Variants in TMPRSS7 observed in about 807,000 individuals in gnomAD.
The protein encoded by TMPRSS7 is transmembrane protease serine 7.
Under a neutral mutation model 95.6 loss-of-function variants are expected in TMPRSS7, and 81 were observed. That is an observed-to-expected ratio of 0.85 (90% CI 0.71 to 1.02). The LOEUF (loss-of-function observed/expected upper bound fraction) is 1.02, where lower values mean the gene tolerates loss of function less well. Ranked by LOEUF, TMPRSS7 falls within the 50% of genes least tolerant of loss-of-function variation. The pLI, the probability that TMPRSS7 is intolerant of heterozygous loss-of-function variation, is 0.00. For synonymous variants in TMPRSS7, 364 were observed against 337.8 expected, an observed-to-expected ratio of 1.08 and a Z score of -0.85; for missense variants, 945 against 955.2, an observed-to-expected ratio of 0.99 and a Z score of 0.14.
At chr3:112,037,017 A>T (rs809582) in intron 1 of TMPRSS7, among the ~76,000 whole-genome samples, 2 of 152,226 alleles carry the variant, frequency 1.3e-5, no homozygotes, top group East Asian at 3.9e-4. Context: ...GGATGTATGT[A>T]GCCTCAGGAC....
upstream of TMPRSS7, chr3:112,034,786 A>G (rs1225242452): frequency 1.4e-6 from 1 of 701,620 alleles, no homozygotes; most frequent in Non-Finnish European, 2.6e-6. Context: ...AAGAGAGCAT[A>G]TAAGGGGCAA....
intron 9 of TMPRSS7, among the ~76,000 whole-genome samples, chr3:112,056,759 G>A (rs1336974370): frequency 6.6e-6 from 1 of 152,146 alleles, no homozygotes; most frequent in Non-Finnish European, 1.5e-5. Context: ...ACACTAACAG[G>A]GAGAAACTGA....
chr3:112,044,962 T>C (rs1236614951), intron 4 of TMPRSS7, among the ~76,000 whole-genome samples: 1 of 152,216 alleles, frequency 6.6e-6, no homozygotes, highest in Non-Finnish European at 1.5e-5. Context: ...GGGGGCCGAC[T>C]GGAAACCAAA....
At chr3:112,061,765 T>A (rs201583103) in intron 10 of TMPRSS7, 22 bp from the exon 11 acceptor site, 1 of 1,586,458 alleles carries the variant, frequency 6.3e-7, no homozygotes, top group African/African-American at 1.4e-5. Flanking sequence ...CTGTGTATTC[T>A]CCCCGACTCT....
exon 10 of TMPRSS7, chr3:112,057,122 A>G: frequency 6.2e-7 from 1 of 1,607,040 alleles, no homozygotes. Context: ...TGGGAAATTA[A>G]TGAGCACATG....
intron 8 of TMPRSS7, 140 bp from the exon 9 acceptor site, chr3:112,050,531 A>AAAAAAAAC (rs2073332703): frequency 1.1e-5 from 4 of 367,050 alleles, no homozygotes; most frequent in South Asian, 1.4e-4. Flanking sequence ...TGAAAAAAAA[A>AAAAAAAAC]AAAAAAACCC....
At position 112,049,021 on chromosome 3, in the gene TMPRSS7, C is replaced by T. The variant is rs149463511; in HGVS notation, c.960-823C>T. 2.0e-3 allele frequency among the ~76,000 whole-genome samples: 302 copies of T among 152,270 alleles called. 3 individuals are homozygous for T. Among genetic ancestry groups the T allele is most frequent in the South Asian group, 6.4e-3 (31 of 4,822 alleles). ...TTAACACAAACTTCCTAAAGCTAAACTAAAAGGAAAAGCCCGGTCACTCTA... is the reference window on the plus strand; with the variant it reads ...TTAACACAAACTTCCTAAAGCTAAATTAAAAGGAAAAGCCCGGTCACTCTA... On this transcript the variant is annotated intron_variant, in intron 7 of 17. Transcript: ENST00000452346.
rs80219360 is a variant in TMPRSS7, at chr3:112,053,792, T to G, written c.1203+3009T>G. 6.8e-4 allele frequency among the ~76,000 whole-genome samples: 104 copies of G among 152,298 alleles called. 1 individual carries two copies. The East Asian group carries it at 0.016, about 24-fold the overall frequency. ...AATCATGCCTCCTCCATAAATAAAT[T>G]CAGCCCCTTCTCCTTTTCTGGGTTT... On this transcript the variant is annotated intron_variant, in intron 9 of 17. Coordinates refer to ENST00000452346, the Ensembl canonical transcript of TMPRSS7.
At chr3:112,048,358 A>G (rs1326920022) in intron 7 of TMPRSS7, among the ~76,000 whole-genome samples, 1 of 152,210 alleles carries the variant, frequency 6.6e-6, no homozygotes, top group Admixed American at 6.5e-5. Flanking sequence ...TTTTCTCGTT[A>G]CAAAGATAAC....
In TMPRSS7 at chr3:112,057,142, T is replaced by A; in HGVS notation, c.1310+11T>A. ...AATTAATGAGCACATGTAAGTGATT[T>A]TCATATGTTTTCATATGTGAGGCAT... On this transcript the variant is annotated intron_variant, in intron 10 of 17. Coordinates refer to ENST00000452346, the Ensembl canonical transcript of TMPRSS7. The A allele has an allele frequency of 6.5e-7, 1 of 1,541,330 alleles. No homozygotes were observed. Among genetic ancestry groups the A allele is most frequent in the Non-Finnish European group, 8.9e-7 (1 of 1,117,354 alleles).
In TMPRSS7 at chr3:112,047,983, T is replaced by G; in HGVS notation, c.959+16T>G. On this transcript the variant is annotated intron_variant, in intron 7 of 17. Coordinates refer to ENST00000452346, the Ensembl canonical transcript of TMPRSS7. ...TCTTGTACAGGTACGATGCAGGTAC[T>G]CTTCTTGGTGGGTAAAAATATTTTT... 6.3e-7 allele frequency: 1 copy of G among 1,598,972 alleles called. No homozygotes were observed. Among genetic ancestry groups the G allele is most frequent in the Non-Finnish European group, 8.6e-7 (1 of 1,167,828 alleles).
chr3:112,045,900 C>G (rs2073272990), exon 5 of TMPRSS7: 1 of 1,551,724 alleles, frequency 6.4e-7, no homozygotes, highest in African/African-American at 1.4e-5. Flanking sequence ...CTGTGGGGAG[C>G]TTGCAGGGAC....
chr3:112,050,531 A>AAAAAAAAAAAAAAC (rs1378179423), intron 8 of TMPRSS7, 140 bp from the exon 9 acceptor site: 14 of 366,928 alleles, frequency 3.8e-5, no homozygotes, highest in African/African-American at 1.7e-4. Context: ...TGAAAAAAAA[A>AAAAAAAAAAAAAAC]AAAAAAACCC....
intron 10 of TMPRSS7, among the ~76,000 whole-genome samples, chr3:112,060,251 A>G (rs2107751151): frequency 6.6e-6 from 1 of 151,976 alleles, no homozygotes; most frequent in Non-Finnish European, 1.5e-5. Context: ...GGACCGGGGC[A>G]AAATTAAAAT....
At chr3:112,078,414 A>G (rs545903719) in intron 16 of TMPRSS7, among the ~76,000 whole-genome samples, 9 of 152,192 alleles carry the variant, frequency 5.9e-5, no homozygotes, top group Non-Finnish European at 1.0e-4. Flanking sequence ...TGAATAGTAG[A>G]TATTAGTAAT....
chr3:112,066,492 C>G, exon 13 of TMPRSS7: 1 of 1,613,806 alleles, frequency 6.2e-7, no homozygotes, highest in Non-Finnish European at 8.5e-7. Flanking sequence ...ATGAGCAAAA[C>G]TGCACTCAAA....
chr3:112,077,614 A>C (rs2073728055), intron 16 of TMPRSS7, among the ~76,000 whole-genome samples: 1 of 152,180 alleles, frequency 6.6e-6, no homozygotes, highest in Non-Finnish European at 1.5e-5. Flanking sequence ...GTAAGGGCTG[A>C]ACTTCAGACT....
At chr3:112,041,890 C>T in intron 2 of TMPRSS7, 30 bp from the exon 3 acceptor site, 1 of 1,417,496 alleles carries the variant, frequency 7.1e-7, no homozygotes, top group Non-Finnish European at 9.8e-7. Context: ...ATGGGAAAGC[C>T]TCCGAATCTT....
At chr3:112,075,150 G>C (rs2073696108) in intron 14 of TMPRSS7, among the ~76,000 whole-genome samples, 171 bp from the exon 15 acceptor site, 1 of 152,232 alleles carries the variant, frequency 6.6e-6, no homozygotes, top group African/African-American at 2.4e-5. Context: ...GAAGGAGGGA[G>C]TGGTTTGTTT....
Sources: allele counts gnomAD v4.1 joint callset (sites outside exome capture counted in the v4.1 genomes callset), GRCh38; gene constraint gnomAD v4.1.1; transcripts MANE v1.5; gene names NCBI Gene and HGNC (gene_info 2026-07-23, HGNC 2026-07-21).